IFNAR2: variants seen among roughly 807,000 people sequenced by gnomAD.
IFNAR2 encodes the protein interferon alpha/beta receptor 2.
A neutral mutation model predicts 49.4 loss-of-function variants in IFNAR2; 30 were observed. The observed-to-expected ratio is 0.61, with a 90% CI of 0.45 to 0.82. IFNAR2 has a LOEUF of 0.82. Ranked by LOEUF, IFNAR2 falls within the 40% of genes least tolerant of loss-of-function variation. The pLI is 0.00. For missense variants in IFNAR2, 600 were observed against 622.7 expected (o/e 0.96, Z 0.39); for synonymous variants, 224 against 234.5 (o/e 0.96, Z 0.41).
At chr21:33,246,297 C>T (rs1412429973) in intron 4 of IFNAR2, among the ~76,000 whole-genome samples, 1 of 152,126 alleles carries the variant, frequency 6.6e-6, no homozygotes, top group Non-Finnish European at 1.5e-5. Flanking sequence ...GTCTCAATCT[C>T]CTGACCTCGT....
At position 33,263,458 on chromosome 21, in the gene IFNAR2, T is replaced by C. The variant is rs749776984; in HGVS notation, c.1506T>C (p.Ser502=). 1 of 1,613,626 alleles carries C rather than the reference T, an allele frequency of 6.2e-7. No homozygotes were observed. The highest frequency in any genetic ancestry group is 1.1e-5 in the South Asian group (1 of 91,080). The change falls in exon 9 of 9, where the codon TCT becomes TCC. Residue 502 remains serine (S), a synonymous_variant. Coordinates refer to ENST00000342136, the MANE Select transcript of IFNAR2 (RefSeq NM_001289125.3). ...EDAPSDQSDT[S]ESDVDLGDGY... ...CTCCATCTGATCAAAGTGACACTTC[T>C]GAGTCAGATGTTGACCTTGGGGATG...
At chr21:33,235,556 A>G (rs1057089366) in intron 1 of IFNAR2, among the ~76,000 whole-genome samples, 7 of 152,166 alleles carry the variant, frequency 4.6e-5, no homozygotes, top group African/African-American at 1.7e-4. Flanking sequence ...AAGGTACTAA[A>G]ATATAAAGCC....
At chr21:33,238,297 C>A (rs1235840406) in intron 1 of IFNAR2, among the ~76,000 whole-genome samples, 2 of 152,142 alleles carry the variant, frequency 1.3e-5, no homozygotes, top group African/African-American at 4.8e-5. Flanking sequence ...TCTAATAAAT[C>A]TGCCTTTCTT....
chr21:33,237,078 G>GGTGGGTGGGTGTGTGTGTGT (rs57276350), intron 1 of IFNAR2, among the ~76,000 whole-genome samples: 1 of 147,590 alleles, frequency 6.8e-6, no homozygotes, highest in African/African-American at 2.5e-5. Flanking sequence ...GGGAGAATGG[G>GGTGGGTGGGTGTGTGTGTGT]GTGTGTGTGT....
At chr21:33,250,178 C>G (rs948884897) in intron 6 of IFNAR2, among the ~76,000 whole-genome samples, 1 of 152,088 alleles carries the variant, frequency 6.6e-6, no homozygotes, top group African/African-American at 2.4e-5. Flanking sequence ...AATCAGTACT[C>G]TAGGAAAAGG....
chr21:33,263,466 A>C lies in IFNAR2; in HGVS notation c.1514A>C (p.Asp505Ala). 6.2e-7 allele frequency: 1 copy of C among 1,613,124 alleles called. No individual in the cohort carries two copies. The highest frequency in any genetic ancestry group is 1.1e-5 in the South Asian group (1 of 91,066). Reference sequence around the variant, plus strand: ...GATCAAAGTGACACTTCTGAGTCAGATGTTGACCTTGGGGATGGTTATATA... The same window carrying C: ...GATCAAAGTGACACTTCTGAGTCAGCTGTTGACCTTGGGGATGGTTATATA... ...PSDQSDTSES[D>A]VDLGDGYIMR The change falls in exon 9 of 9, where the codon GAT (aspartate) becomes GCT (alanine). Residue 505 changes from aspartate (D) to alanine (A), a missense_variant. Asp to Ala is a moderately radical substitution (Grantham distance 126). Transcript: ENST00000342136.
chr21:33,232,393 A>G (rs894949877), intron 1 of IFNAR2, among the ~76,000 whole-genome samples: 2 of 151,934 alleles, frequency 1.3e-5, no homozygotes, highest in African/African-American at 2.4e-5. Context: ...GGAAAAAGAG[A>G]GGTATGTATG....
Position 33,263,812 on chromosome 21 carries a change from C to A in IFNAR2, c.*312C>A. The A allele has an allele frequency of 6.6e-6, 2 of 303,842 alleles. No homozygotes were observed. The highest frequency in any genetic ancestry group is 1.2e-5 in the Non-Finnish European group (2 of 162,416). 18.8% of individuals were successfully genotyped at this position (303,842 alleles called of 1,614,324 possible). A position where few individuals can be genotyped will look rare whatever the true frequency, so the allele number is the denominator to read the frequency against. On this transcript the variant is annotated 3_prime_UTR_variant, in exon 9 of 9. Coordinates refer to ENST00000342136, the MANE Select transcript of IFNAR2 (RefSeq NM_001289125.3). ...CAGGGAGCAGGGTTCCCCACAGTTTCAGAGGTGGTCCAGGACCCTATGATA... is the reference window on the plus strand; with the variant it reads ...CAGGGAGCAGGGTTCCCCACAGTTTAAGAGGTGGTCCAGGACCCTATGATA...
chr21:33,237,078 G>GGTGGGTGTGT lies in IFNAR2; in HGVS notation c.-83-4759_-83-4758insGGTGTGTGTG, dbSNP rs57276350. Among the ~76,000 whole-genome samples, 494 of 147,684 alleles carry GGTGGGTGTGT rather than the reference G, an allele frequency of 3.3e-3. 4 individuals carry two copies. Among genetic ancestry groups the GGTGGGTGTGT allele is most frequent in the South Asian group, 0.011 (49 of 4,516 alleles). On this transcript the variant is annotated intron_variant, in intron 1 of 8. Coordinates refer to ENST00000342136, the MANE Select transcript of IFNAR2 (RefSeq NM_001289125.3). ...CCCCTGGCCCAGAGGGGGAGAATGG[G>GGTGGGTGTGT]GTGTGTGTGTGTGTGTGTGTGTGTG...
In IFNAR2 at chr21:33,229,957, G is replaced by T; in HGVS notation, c.-343G>T. Reference sequence around the variant, plus strand: ...GCTTCCGTATCGCTCCTCGTAGGCCGGGGCTCGGCGCGCGCACCCGCACTA... The same window carrying T: ...GCTTCCGTATCGCTCCTCGTAGGCCTGGGCTCGGCGCGCGCACCCGCACTA... On this transcript the variant is annotated 5_prime_UTR_variant, in exon 1 of 9. Coordinates refer to ENST00000342136, the MANE Select transcript of IFNAR2 (RefSeq NM_001289125.3). 1 of 983,930 alleles carries T rather than the reference G, an allele frequency of 1.0e-6. No homozygotes were observed. The allele number at this position is 983,930 out of a possible 1,614,324, so 60.9% of individuals were successfully genotyped here.
At position 33,248,702 on chromosome 21, in the gene IFNAR2, T is replaced by C. The variant is rs1232817447; in HGVS notation, c.395-7T>C. 6.3e-7 allele frequency: 1 copy of C among 1,597,194 alleles called. No homozygotes were observed. On this transcript the variant is annotated splice_polypyrimidine_tract_variant and splice_region_variant and intron_variant, in intron 5 of 8. Transcript: ENST00000342136. ...CATATTCCTGTCTGTTTTTGTTTTT[T>C]GCACAGTGTCTTTTGAACCACCAGA...
Position 33,230,967 on chromosome 21 carries a change from A to G in IFNAR2, c.-84+751A>G, listed in dbSNP as rs965787204. Among the ~76,000 whole-genome samples the G allele has an allele frequency of 2.0e-5, 3 of 152,146 alleles. No homozygotes were observed. On this transcript the variant is annotated intron_variant, in intron 1 of 8. Transcript: ENST00000342136. The surrounding 1 kb of genome is among the most constrained non-coding windows in gnomAD (Gnocchi z 5.5). ...CCCGTTTATTTGGTTAGCGATGGTT[A>G]TATTGACTCTGAGTATTCCCACCTC...
Position 33,262,906 on chromosome 21 carries a change from T to C in IFNAR2, c.954T>C (p.Tyr318=), listed in dbSNP as rs1403902798. The C allele has an allele frequency of 1.9e-6, 3 of 1,614,136 alleles. No homozygotes were observed. Among genetic ancestry groups the C allele is most frequent in the Admixed American group, 1.7e-5 (1 of 60,016 alleles). ...AGAAGAAAGTGTGGGATTATAATTA[T>C]GATGATGAAAGTGATAGCGATACTG... ...NRKKKVWDYN[Y]DDESDSDTEA... The change falls in exon 9 of 9, where the codon TAT becomes TAC. Residue 318 remains tyrosine, a synonymous_variant. Coordinates refer to ENST00000342136, the MANE Select transcript of IFNAR2 (RefSeq NM_001289125.3).
Position 33,254,747 on chromosome 21 carries a change from A to G in IFNAR2, c.709+1917A>G, listed in dbSNP as rs1172333752. ...CCACTTCGAATTGTCCCACCTTTCC[A>G]GATTGAACCAGTGTACATCTTACAT... On this transcript the variant is annotated intron_variant, in intron 7 of 8. Coordinates refer to ENST00000342136, the MANE Select transcript of IFNAR2 (RefSeq NM_001289125.3). Among the ~76,000 whole-genome samples the G allele has an allele frequency of 2.8e-4, 42 of 152,206 alleles. 1 individual carries two copies. The highest frequency in any genetic ancestry group is 2.7e-3 in the Admixed American group (42 of 15,276).
At chr21:33,242,864 C>T (rs28584190) in intron 2 of IFNAR2, among the ~76,000 whole-genome samples, 1 of 149,956 alleles carries the variant, frequency 6.7e-6, no homozygotes, top group South Asian at 2.1e-4. Flanking sequence ...GCTCAGCTCA[C>T]TGCAGCCTCC....
chr21:33,250,439 A>T (rs980209638), intron 6 of IFNAR2, among the ~76,000 whole-genome samples: 2 of 152,202 alleles, frequency 1.3e-5, no homozygotes, highest in African/African-American at 4.8e-5. Flanking sequence ...AAAATAAGCT[A>T]CTAGTATAAT....
At chr21:33,234,329 A>C (rs2834154) in intron 1 of IFNAR2, among the ~76,000 whole-genome samples, 48,175 of 151,982 alleles carry the variant, frequency 0.32, 8,268 homozygotes, top group East Asian at 0.58. Context: ...GCTAGAATCA[A>C]ATATGCCAAG....
At chr21:33,243,566 A>G in intron 2 of IFNAR2, 107 bp from the exon 3 acceptor site, 1 of 1,046,426 alleles carries the variant, frequency 9.6e-7, no homozygotes, top group Non-Finnish European at 1.5e-6. Context: ...AAAAATCTCA[A>G]TCTGATACCA....
rs1272723314 is a variant in IFNAR2, at chr21:33,230,487, T to C, written c.-84+271T>C. On this transcript the variant is annotated intron_variant, in intron 1 of 8. Transcript: ENST00000342136. This position sits in a 1 kb window ranked among gnomAD's most constrained non-coding sequence, Gnocchi z 5.5. Reference sequence around the variant, plus strand: ...CGCCCCTGCTGGGAGTCCGCTTTCGTTGCACCCCTCCGCGTCCCACCCCAC... The same window carrying C: ...CGCCCCTGCTGGGAGTCCGCTTTCGCTGCACCCCTCCGCGTCCCACCCCAC... 1 of 470,000 alleles carries C rather than the reference T, an allele frequency of 2.1e-6. No homozygotes were observed. The highest frequency in any genetic ancestry group is 4.4e-6 in the Non-Finnish European group (1 of 226,702). 29.1% of individuals were successfully genotyped at this position (470,000 alleles called of 1,614,324 possible).
Sources: gnomAD v4.1 joint callset for allele counts (sites outside exome capture counted in the v4.1 genomes callset) on GRCh38, gnomAD v4.1.1 for gene constraint, Gnocchi (gnomAD v3.1) non-coding constraint, MANE v1.5 for transcripts, NCBI Gene and HGNC (gene_info 2026-07-23, HGNC 2026-07-21) for gene names.